Variants in COL10A1 observed in about 807,000 individuals in gnomAD.
The protein encoded by COL10A1 is collagen type X alpha 1 chain.
A neutral mutation model predicts 18.2 loss-of-function variants in COL10A1; 10 were observed. That is an observed-to-expected ratio of 0.55 (90% CI 0.34 to 0.93). The LOEUF (loss-of-function observed/expected upper bound fraction) is 0.93. Ranked by LOEUF, COL10A1 falls within the 40% of genes least tolerant of loss-of-function variation. The probability of loss-of-function intolerance (pLI) is 0.02; values close to 1 mark genes in which losing one functional copy is unlikely to be tolerated. For missense variants in COL10A1, 897 were observed against 853.5 expected (o/e 1.05, Z -0.64); for synonymous variants, 330 against 316.6 (o/e 1.04, Z -0.45).
At chr6:116,149,391 T>C (rs544868094) in intron 1 of COL10A1, among the ~76,000 whole-genome samples, 1 of 152,322 alleles carries the variant, frequency 6.6e-6, no homozygotes, top group Non-Finnish European at 1.5e-5. Flanking sequence ...ACAGTGTGTC[T>C]TTACCAAACT....
upstream of COL10A1, among the ~76,000 whole-genome samples, chr6:116,128,566 T>C (rs181196206): frequency 2.6e-3 from 398 of 152,326 alleles, 10 homozygotes; most frequent in South Asian, 0.043. Flanking sequence ...TATTCATTTG[T>C]ACATCTGTGG....
chr6:116,155,568 A>G (rs1000149318), intron 1 of COL10A1, among the ~76,000 whole-genome samples: 2 of 152,148 alleles, frequency 1.3e-5, no homozygotes, highest in African/African-American at 4.8e-5. Context: ...GAATCCATCC[A>G]AAATCACATG....
At chr6:116,214,911 T>G in the COL10A1 span, among the ~76,000 whole-genome samples, 1 of 152,104 alleles carries the variant, frequency 6.6e-6, no homozygotes, top group Non-Finnish European at 1.5e-5. Flanking sequence ...AGCTGCCTGT[T>G]TCACAGGTTT....
At chr6:116,187,679 T>A in the COL10A1 span, among the ~76,000 whole-genome samples, 7 of 152,018 alleles carry the variant, frequency 4.6e-5, no homozygotes, top group Non-Finnish European at 8.8e-5. Flanking sequence ...TAAAACTTGA[T>A]CCCTACTCAC....
chr6:116,164,293 G>C, the COL10A1 span, among the ~76,000 whole-genome samples: 1 of 152,072 alleles, frequency 6.6e-6, no homozygotes, highest in Non-Finnish European at 1.5e-5. Context: ...ATATATTTAG[G>C]ATAGTTAAAT....
chr6:116,142,013 T>C (rs978388873), intron 1 of COL10A1, among the ~76,000 whole-genome samples: 2 of 151,094 alleles, frequency 1.3e-5, no homozygotes, highest in Non-Finnish European at 3.0e-5. Flanking sequence ...AGATGAAAAC[T>C]CAAAAAAAAG....
intron 1 of COL10A1, among the ~76,000 whole-genome samples, chr6:116,154,841 C>T (rs1346497090): frequency 6.6e-6 from 1 of 152,100 alleles, no homozygotes; most frequent in African/African-American, 2.4e-5. Context: ...CTTTGACTTG[C>T]CTATGATGCC....
chr6:116,189,830 C>G, the COL10A1 span, among the ~76,000 whole-genome samples: 1 of 151,988 alleles, frequency 6.6e-6, no homozygotes, highest in African/African-American at 2.4e-5. Context: ...ACAGCAGTTA[C>G]TTAGTTACAG....
At chr6:116,144,683 T>C (rs2114376643) in intron 1 of COL10A1, among the ~76,000 whole-genome samples, 1 of 152,322 alleles carries the variant, frequency 6.6e-6, no homozygotes, top group East Asian at 1.9e-4. Flanking sequence ...CACACCAGAC[T>C]TTGGGACAAC....
chr6:116,164,559 C>T, the COL10A1 span, among the ~76,000 whole-genome samples: 77,447 of 151,962 alleles, frequency 0.51, 20,832 homozygotes, highest in African/African-American at 0.69. Context: ...CTATCTCTTT[C>T]AAGTATTTAT....
At chr6:116,200,091 G>C in the COL10A1 span, among the ~76,000 whole-genome samples, 1 of 151,878 alleles carries the variant, frequency 6.6e-6, no homozygotes. Flanking sequence ...ACCCTTAATA[G>C]TATATACCCT....
At chr6:116,123,317 G>A (rs186069179) in intron 2 of COL10A1, among the ~76,000 whole-genome samples, 109 of 152,302 alleles carry the variant, frequency 7.2e-4, no homozygotes, top group Non-Finnish European at 1.8e-4. Flanking sequence ...ACTTCTCAGT[G>A]CGAGAAAGAA....
In COL10A1 at chr6:116,125,009, A is replaced by G. The variant is rs140030975; in HGVS notation, c.154+330T>C. On this transcript the variant is annotated intron_variant, in intron 2 of 2. Coordinates refer to ENST00000651968, the MANE Select transcript of COL10A1 (RefSeq NM_000493.4). ...GTTATTTTTAGCTTAAAATTTTTAA[A>G]CTTGATTAGTTTTGATTAGATCAAG... is the stretch of plus-strand genomic sequence containing the variant. Among the ~76,000 whole-genome samples, 19 of 152,328 alleles carry G rather than the reference A, an allele frequency of 1.2e-4. No homozygotes were observed. The East Asian group carries it at 3.7e-3, about 29-fold the overall frequency.
chr6:116,174,699 C>G, the COL10A1 span, among the ~76,000 whole-genome samples: 3 of 152,126 alleles, frequency 2.0e-5, no homozygotes, highest in Non-Finnish European at 4.4e-5. Flanking sequence ...CTTGTTTTCT[C>G]TCCTTTCTAG....
Position 116,120,414 on chromosome 6 carries a change from G to T in COL10A1, c.1702C>A (p.Pro568Thr). 1 of 1,614,260 alleles carries T rather than the reference G, an allele frequency of 6.2e-7. No individual in the cohort carries two copies. The highest frequency in any genetic ancestry group is 8.5e-7 in the Non-Finnish European group (1 of 1,180,040). The stretch of plus-strand genomic sequence containing the variant: ...TACAAAATTTTATCAAATGGTATGG[G>T]AGTTCCTATTGCTGGGTAAGCTTTG... ...LSKAYPAIGT[P>T]IPFDKILYNR... The change falls in exon 3 of 3, where the codon CCC (proline) becomes ACC (threonine). Residue 568 changes from proline to threonine, a missense_variant. By Grantham distance (38) the Pro-to-Thr change is conservative. Transcript: ENST00000651968.
At chr6:116,133,425 G>A (rs549332) in intron 1 of COL10A1, among the ~76,000 whole-genome samples, 100,670 of 151,958 alleles carry the variant, frequency 0.66, 35,542 homozygotes, top group African/African-American at 0.92. Context: ...GTTTGCCATC[G>A]TACTTGAGAA....
chr6:116,157,136 G>A (rs986065168), intron 1 of COL10A1, among the ~76,000 whole-genome samples: 1 of 152,122 alleles, frequency 6.6e-6, no homozygotes, highest in African/African-American at 2.4e-5. Flanking sequence ...GGAAAACAAA[G>A]CAAAACTAAC....
the COL10A1 span, among the ~76,000 whole-genome samples, chr6:116,169,505 A>G: frequency 6.6e-6 from 1 of 152,216 alleles, no homozygotes; most frequent in African/African-American, 2.4e-5. Context: ...GAAAGACTAT[A>G]TGGTAGGAAA....
At chr6:116,213,560 TCTAGACA>T in the COL10A1 span, among the ~76,000 whole-genome samples, 1 of 152,092 alleles carries the variant, frequency 6.6e-6, no homozygotes, top group Non-Finnish European at 1.5e-5. Context: ...TAACTCCAAC[TCTAGACA>T]TATGAGGTGG....
Sources: gnomAD v4.1 joint callset for allele counts (sites outside exome capture counted in the v4.1 genomes callset) on GRCh38, gnomAD v4.1.1 for gene constraint, MANE v1.5 for transcripts, NCBI Gene and HGNC (gene_info 2026-07-23, HGNC 2026-07-21) for gene names.